The following LUZP1 variants were observed in gnomAD, a reference collection of about 807,000 sequenced individuals.
LUZP1 encodes the protein leucine zipper protein 1.
Under a neutral mutation model 71.3 loss-of-function variants are expected in LUZP1, and 25 were observed. That is an observed-to-expected ratio of 0.35 (90% CI 0.26 to 0.49). The LOEUF (loss-of-function observed/expected upper bound fraction) is 0.49. LUZP1 is among the 20% of genes least tolerant of loss of function. The pLI, the probability that LUZP1 is intolerant of heterozygous loss-of-function variation, is 0.99. For missense variants in LUZP1, 1,142 were observed against 1,300.8 expected (o/e 0.88, Z 1.88); for synonymous variants, 481 against 506.4 (o/e 0.95, Z 0.67).
chr1:23,122,022 A>AATT (rs1553138368), intron 2 of LUZP1, among the ~76,000 whole-genome samples: 7 of 151,952 alleles, frequency 4.6e-5, no homozygotes, highest in African/African-American at 1.7e-4. Flanking sequence ...AAAAATAAAT[A>AATT]AATTAATTAA....
intron 4 of LUZP1, among the ~76,000 whole-genome samples, chr1:23,090,246 G>C (rs1643832630): frequency 6.6e-6 from 1 of 152,158 alleles, no homozygotes; most frequent in Non-Finnish European, 1.5e-5. Flanking sequence ...TTGTGTTTCT[G>C]ACCCTTAGCT....
chr1:23,136,045 T>C lies in LUZP1; in HGVS notation c.-225-26918A>G, dbSNP rs187970432. Among the ~76,000 whole-genome samples, 740 of 152,158 alleles carry C rather than the reference T, an allele frequency of 4.9e-3. 9 individuals are homozygous for C. Among genetic ancestry groups the C allele is most frequent in the Non-Finnish European group, 6.6e-3 (452 of 68,010 alleles). On this transcript the variant is annotated intron_variant, in intron 2 of 4. Coordinates refer to ENST00000302291, the Ensembl canonical transcript of LUZP1. The stretch of plus-strand genomic sequence containing the variant: ...AGAAACATAGTAGACACCCAGCAAA[T>C]AGGTTGCTAAATCAATGAGCTTTTT...
At chr1:23,106,949 G>A (rs1002577085) in intron 3 of LUZP1, among the ~76,000 whole-genome samples, 7 of 152,184 alleles carry the variant, frequency 4.6e-5, no homozygotes, top group Non-Finnish European at 1.5e-5. Context: ...CACTCCAAAG[G>A]TGTCACATGG....
chr1:23,156,170 C>T (rs1308086802), intron 2 of LUZP1, among the ~76,000 whole-genome samples: 3 of 151,982 alleles, frequency 2.0e-5, no homozygotes, highest in Non-Finnish European at 4.4e-5. Flanking sequence ...CACTTGAGGT[C>T]GTAGTTCGAG....
Position 23,154,643 on chromosome 1 carries a change from C to T in LUZP1, c.-226+14123G>A, listed in dbSNP as rs113182598. 2.1e-3 allele frequency among the ~76,000 whole-genome samples: 326 copies of T among 151,720 alleles called. 1 individual carries two copies. Among genetic ancestry groups the T allele is most frequent in the Non-Finnish European group, 3.1e-3 (212 of 67,916 alleles). On this transcript the variant is annotated intron_variant, in intron 2 of 4. Transcript: ENST00000302291. ...CTGCAAGCTCTGCCTCCTGGGTTCA[C>T]GCCATTCTCCTGCCTCAGCCTCCTG... is the stretch of plus-strand genomic sequence containing the variant.
chr1:23,145,627 G>A (rs1358325610), intron 2 of LUZP1, among the ~76,000 whole-genome samples: 2 of 151,822 alleles, frequency 1.3e-5, no homozygotes, highest in African/African-American at 4.8e-5. Context: ...ATGCCACCAC[G>A]CCTGGCTAAT....
At chr1:23,150,600 G>C (rs373430650) in intron 2 of LUZP1, among the ~76,000 whole-genome samples, 49 of 152,264 alleles carry the variant, frequency 3.2e-4, no homozygotes, top group East Asian at 2.5e-3. Context: ...GAATGGGACT[G>C]AGCTTTTAAA....
chr1:23,134,022 G>C (rs1029471104), intron 2 of LUZP1, among the ~76,000 whole-genome samples: 1 of 152,202 alleles, frequency 6.6e-6, no homozygotes, highest in Non-Finnish European at 1.5e-5. Context: ...GACTGCTCTA[G>C]ATCAGGGGTC....
At chr1:23,107,021 A>G (rs1398576568) in intron 3 of LUZP1, among the ~76,000 whole-genome samples, 1 of 152,212 alleles carries the variant, frequency 6.6e-6, no homozygotes, top group Non-Finnish European at 1.5e-5. Flanking sequence ...CTACTACTCC[A>G]ATCCAGCCAC....
chr1:23,102,206 C>A (rs1449951817), intron 3 of LUZP1, among the ~76,000 whole-genome samples: 1 of 152,166 alleles, frequency 6.6e-6, no homozygotes, highest in Non-Finnish European at 1.5e-5. Flanking sequence ...CATGCCACCC[C>A]TACATTAGTA....
intron 2 of LUZP1, among the ~76,000 whole-genome samples, chr1:23,134,919 T>C (rs1644242341): frequency 6.6e-6 from 1 of 152,134 alleles, no homozygotes; most frequent in South Asian, 2.1e-4. Context: ...GCTGCACAGA[T>C]CATCCCATCA....
At chr1:23,108,003 C>T (rs1454061871) in intron 3 of LUZP1, among the ~76,000 whole-genome samples, 1 of 152,170 alleles carries the variant, frequency 6.6e-6, no homozygotes, top group African/African-American at 2.4e-5. Context: ...TTCTGAGCTA[C>T]CCTATTGCTC....
intron 2 of LUZP1, among the ~76,000 whole-genome samples, chr1:23,115,521 C>T (rs1644070650): frequency 6.6e-6 from 1 of 152,148 alleles, no homozygotes; most frequent in Admixed American, 6.5e-5. Context: ...AAAGCTGGCA[C>T]TCAAAGAACC....
chr1:23,104,745 TA>T (rs1183726834), intron 3 of LUZP1, among the ~76,000 whole-genome samples: 1 of 152,224 alleles, frequency 6.6e-6, no homozygotes, highest in Non-Finnish European at 1.5e-5. Flanking sequence ...GTAATAGTTT[TA>T]TTGTATTCTG....
chr1:23,162,841 G>C (rs1250914225), intron 2 of LUZP1: 1 of 151,958 alleles, frequency 6.6e-6, no homozygotes, highest in African/African-American at 2.4e-5. Context: ...AGAAACAAAC[G>C]GTATAAAGGG....
intron 2 of LUZP1, among the ~76,000 whole-genome samples, chr1:23,127,097 C>T (rs749091083): frequency 6.6e-6 from 1 of 152,202 alleles, no homozygotes; most frequent in Non-Finnish European, 1.5e-5. Flanking sequence ...GACTCAGTAA[C>T]TCTCACCATA....
chr1:23,095,554 C>T (rs955120619), intron 3 of LUZP1, among the ~76,000 whole-genome samples: 3 of 152,120 alleles, frequency 2.0e-5, no homozygotes, highest in African/African-American at 7.2e-5. Context: ...TGGGTTCTAA[C>T]AATCATGCAG....
In LUZP1 at chr1:23,093,701, T is replaced by C. The variant is rs1643877191; in HGVS notation, c.561A>G (p.Lys187=). 2 of 1,613,634 alleles carry C rather than the reference T, an allele frequency of 1.2e-6. No homozygotes were observed. The highest frequency in any genetic ancestry group is 3.3e-5 in the Admixed American group (2 of 59,996). Residue 187 remains lysine, a synonymous_variant, in exon 4 of 5, where the codon AAA becomes AAG. Transcript: ENST00000302291. The surrounding 1 kb of genome is among the most constrained non-coding windows in gnomAD (Gnocchi z 4.2). ...CACTTACAAAGCTCAGAGTTAATGATTTCAGCTTTTCTAACTCTGACGCTA... is the reference window on the plus strand; with the variant it reads ...CACTTACAAAGCTCAGAGTTAATGACTTCAGCTTTTCTAACTCTGACGCTA...
At chr1:23,117,478 C>CTCTCT (rs35662791) in intron 2 of LUZP1, among the ~76,000 whole-genome samples, 28 of 17,434 alleles carry the variant, frequency 1.6e-3, no homozygotes, top group South Asian at 5.9e-3. Context: ...TCTCTCTCTC[C>CTCTCT]CCCCCCCCCC....
Sources: allele counts gnomAD v4.1 joint callset (sites outside exome capture counted in the v4.1 genomes callset), GRCh38; gene constraint gnomAD v4.1.1; non-coding constraint Gnocchi (gnomAD v3.1); transcripts MANE v1.5; gene names NCBI Gene and HGNC (gene_info 2026-07-23, HGNC 2026-07-21).